Variants in SNTB1 observed in about 807,000 individuals in gnomAD.
SNTB1 encodes beta-1-syntrophin.
In SNTB1, 36 loss-of-function variants were observed where a neutral mutation model predicts 48.9. The ratio of observed to expected loss-of-function variants is 0.74; its 90% CI spans 0.56 to 0.97. SNTB1 has a LOEUF of 0.97. Ranked by LOEUF, SNTB1 falls within the 50% of genes least tolerant of loss-of-function variation. The pLI, the probability that SNTB1 is intolerant of heterozygous loss-of-function variation, is 0.00. For missense variants in SNTB1, 786 were observed against 703.4 expected (o/e 1.12, Z -1.33); for synonymous variants, 299 against 294.6 (o/e 1.01, Z -0.15).
chr8:120,603,647 G>T (rs149246429), intron 3 of SNTB1, among the ~76,000 whole-genome samples: 14 of 152,068 alleles, frequency 9.2e-5, no homozygotes, highest in Admixed American at 4.6e-4. Flanking sequence ...TGATGCATGC[G>T]AAAGTTGAAA....
intron 1 of SNTB1, among the ~76,000 whole-genome samples, chr8:120,730,761 G>C (rs1178701154): frequency 6.6e-6 from 1 of 152,098 alleles, no homozygotes; most frequent in Non-Finnish European, 1.5e-5. Flanking sequence ...ATGGTGATTT[G>C]AACCTTTTAA....
At chr8:120,666,572 A>G (rs946044452) in intron 2 of SNTB1, among the ~76,000 whole-genome samples, 1 of 152,082 alleles carries the variant, frequency 6.6e-6, no homozygotes, top group African/African-American at 2.4e-5. Flanking sequence ...CTTTGGTGTC[A>G]TTAGTTTCAT....
intron 3 of SNTB1, among the ~76,000 whole-genome samples, chr8:120,605,814 TG>T (rs1563829689): frequency 6.6e-6 from 1 of 152,152 alleles, no homozygotes; most frequent in Non-Finnish European, 1.5e-5. Flanking sequence ...CCATGGCCTG[TG>T]GTGTCAGCCT....
intron 2 of SNTB1, among the ~76,000 whole-genome samples, chr8:120,679,859 A>ATAT (rs1554652497): frequency 6.7e-6 from 1 of 149,718 alleles, no homozygotes; most frequent in African/African-American, 2.5e-5. Flanking sequence ...CTCTTGAGAT[A>ATAT]TTTTTTTTTT....
At chr8:120,629,948 A>C (rs1816953461) in intron 3 of SNTB1, among the ~76,000 whole-genome samples, 1 of 152,250 alleles carries the variant, frequency 6.6e-6, no homozygotes, top group Non-Finnish European at 1.5e-5. Flanking sequence ...ATTTGGGATA[A>C]GCAAAAGGCA....
chr8:120,692,293 C>T (rs574448775), intron 2 of SNTB1, among the ~76,000 whole-genome samples: 5 of 152,212 alleles, frequency 3.3e-5, no homozygotes, highest in East Asian at 1.9e-4. Context: ...CCCCTATTCC[C>T]GATGGCTTTT....
chr8:120,663,673 GGAGGCAGCGT>G (rs1479245046), intron 2 of SNTB1, among the ~76,000 whole-genome samples: 1 of 152,100 alleles, frequency 6.6e-6, no homozygotes, highest in African/African-American at 2.4e-5. Context: ...GGGACAAACA[GGAGGCAGCGT>G]GAGGACCCAT....
At chr8:120,633,166 A>G (rs1236609818) in intron 2 of SNTB1, among the ~76,000 whole-genome samples, 1 of 152,214 alleles carries the variant, frequency 6.6e-6, no homozygotes, top group Non-Finnish European at 1.5e-5. Flanking sequence ...ATATTTTAGA[A>G]TCGAAGATGA....
intron 1 of SNTB1, among the ~76,000 whole-genome samples, chr8:120,789,925 T>C (rs1819996030): frequency 6.6e-6 from 1 of 151,512 alleles, no homozygotes; most frequent in Non-Finnish European, 1.5e-5. Flanking sequence ...CAGGAAAGAA[T>C]ATAACAAAAA....
intron 1 of SNTB1, among the ~76,000 whole-genome samples, chr8:120,785,948 G>A (rs1819916826): frequency 6.6e-6 from 1 of 152,220 alleles, no homozygotes; most frequent in Non-Finnish European, 1.5e-5. Flanking sequence ...GTCTGTCCAT[G>A]TGCCCAGTAC....
intron 1 of SNTB1, among the ~76,000 whole-genome samples, chr8:120,716,123 AG>A (rs1818552189): frequency 6.6e-6 from 1 of 151,906 alleles, no homozygotes; most frequent in Non-Finnish European, 1.5e-5. Context: ...CGGTCGTTTT[AG>A]GGCTGAGCCC....
At chr8:120,645,345 G>A (rs1817273245) in intron 2 of SNTB1, among the ~76,000 whole-genome samples, 1 of 148,834 alleles carries the variant, frequency 6.7e-6, no homozygotes, top group African/African-American at 2.5e-5. Context: ...TTTGTATAAG[G>A]TGTAAGGAAG....
rs1587183838 is a variant in SNTB1 at position 120,811,484 on chromosome 8, C to T, written c.360G>A (p.Leu120=). 1 of 1,613,972 alleles carries T rather than the reference C, an allele frequency of 6.2e-7. No individual in the cohort carries two copies. The highest frequency in any genetic ancestry group is 8.5e-7 in the Non-Finnish European group (1 of 1,179,902). Residue 120 remains leucine (L), a synonymous_variant, in exon 1 of 7, where the codon CTG becomes CTA. Coordinates refer to ENST00000517992, the MANE Select transcript of SNTB1 (RefSeq NM_021021.4). The part of the protein sequence containing the change: ...KRGVKVLKQE[L]GGLGISIKGG... ...CCTTGATGCTGATCCCCAGCCCGCC[C>T]AGCTCCTGCTTCAGCACCTTCACGC...
chr8:120,637,087 G>A, intron 2 of SNTB1: 1 of 378,456 alleles, frequency 2.6e-6, no homozygotes, highest in Non-Finnish European at 5.2e-6. Flanking sequence ...GAAGATGCAG[G>A]AGCATTGGCC....
chr8:120,595,029 A>C (rs901741072), intron 3 of SNTB1, among the ~76,000 whole-genome samples: 3 of 152,022 alleles, frequency 2.0e-5, no homozygotes, highest in African/African-American at 7.2e-5. Context: ...GTCAAGCAGA[A>C]GGCCCAGAGG....
chr8:120,677,890 T>C (rs1309408966), intron 2 of SNTB1, among the ~76,000 whole-genome samples: 1 of 152,148 alleles, frequency 6.6e-6, no homozygotes, highest in Non-Finnish European at 1.5e-5. Context: ...GTAAAAAATA[T>C]TGATGGAGTG....
At chr8:120,771,593 G>T (rs926225797) in intron 1 of SNTB1, among the ~76,000 whole-genome samples, 2 of 151,982 alleles carry the variant, frequency 1.3e-5, no homozygotes, top group South Asian at 2.1e-4. Context: ...ATTGGTTTCT[G>T]TCTTCTCCCT....
intron 4 of SNTB1, among the ~76,000 whole-genome samples, chr8:120,557,967 A>ATAAATG (rs1240311044): frequency 1.3e-5 from 2 of 152,202 alleles, no homozygotes; most frequent in Non-Finnish European, 2.9e-5. Context: ...ATACTTGGAA[A>ATAAATG]CACATTACTG....
chr8:120,591,553 A>T (rs1816240629), intron 3 of SNTB1, among the ~76,000 whole-genome samples: 1 of 152,174 alleles, frequency 6.6e-6, no homozygotes, highest in African/African-American at 2.4e-5. Flanking sequence ...GGTTTTGGAC[A>T]GAAAACACGT....
Sources: gnomAD v4.1 joint callset for allele counts (sites outside exome capture counted in the v4.1 genomes callset) on GRCh38, gnomAD v4.1.1 for gene constraint, MANE v1.5 for transcripts, NCBI Gene and HGNC (gene_info 2026-07-23, HGNC 2026-07-21) for gene names.